The following LTBP1 variants were observed in gnomAD, a reference collection of about 807,000 sequenced individuals.
The protein encoded by LTBP1 is latent transforming growth factor beta binding protein 1.
A neutral mutation model predicts 207.6 loss-of-function variants in LTBP1; 129 were observed. The observed-to-expected ratio is 0.62, with a 90% CI of 0.54 to 0.72. The LOEUF (loss-of-function observed/expected upper bound fraction) is 0.72. LTBP1 is among the 30% of genes least tolerant of loss of function. The pLI, the probability that LTBP1 is intolerant of heterozygous loss-of-function variation, is 0.00. For synonymous variants in LTBP1, 963 were observed against 833.7 expected, an observed-to-expected ratio of 1.16 and a Z score of -2.67; for missense variants, 2,281 against 2,217.2, an observed-to-expected ratio of 1.03 and a Z score of -0.58.
At chr2:33,262,300 T>A (rs1171784675) in intron 13 of LTBP1, among the ~76,000 whole-genome samples, 2 of 152,348 alleles carry the variant, frequency 1.3e-5, no homozygotes, top group Non-Finnish European at 2.9e-5. Flanking sequence ...CTATATCCAT[T>A]ATTTAATCTG....
intron 3 of LTBP1, among the ~76,000 whole-genome samples, chr2:33,095,957 A>G (rs527448385): frequency 9.2e-5 from 14 of 152,240 alleles, no homozygotes; most frequent in African/African-American, 3.1e-4. Context: ...GTAACAAGAA[A>G]AATGTTTAAA....
intron 4 of LTBP1, among the ~76,000 whole-genome samples, chr2:33,118,845 G>T (rs995370056): frequency 6.6e-6 from 1 of 152,152 alleles, no homozygotes; most frequent in African/African-American, 2.4e-5. Flanking sequence ...GAAGCCGTAC[G>T]AACATGATTA....
chr2:33,110,610 G>A lies in LTBP1; in HGVS notation c.892G>A (p.Val298Met), dbSNP rs751450365. The A allele has an allele frequency of 6.2e-6, 10 of 1,613,454 alleles. No homozygotes were observed. The South Asian group carries it at 6.6e-5, about 11-fold the overall frequency. ...GACTCCTCTTTCTTCCCAGAGTGTGGTGATTCACCATGGCCAGACCCAGGA... is the reference window on the plus strand; with the variant it reads ...GACTCCTCTTTCTTCCCAGAGTGTGATGATTCACCATGGCCAGACCCAGGA... ...QVTPLSSQSV[V>M]IHHGQTQEYV... is the part of the protein sequence containing the mutation. Residue 298 changes from valine to methionine, a missense_variant, in exon 4 of 34, where the codon GTG (valine) becomes ATG (methionine). Transcript: ENST00000404816.
At chr2:33,271,012 C>T (rs1046719620) in intron 15 of LTBP1, among the ~76,000 whole-genome samples, 5 of 152,212 alleles carry the variant, frequency 3.3e-5, no homozygotes, top group Admixed American at 2.0e-4. Context: ...TCTCCTACCT[C>T]AGAGCTGACT....
intron 18 of LTBP1, among the ~76,000 whole-genome samples, chr2:33,279,417 G>A (rs999033467): frequency 6.6e-6 from 1 of 152,000 alleles, no homozygotes; most frequent in Non-Finnish European, 1.5e-5. Context: ...TGAAAAGTAA[G>A]GTGTATTTTT....
At chr2:32,977,698 C>T (rs1464425750) in intron 2 of LTBP1, among the ~76,000 whole-genome samples, 2 of 152,164 alleles carry the variant, frequency 1.3e-5, no homozygotes, top group African/African-American at 4.8e-5. Flanking sequence ...GTGTGAATCC[C>T]CTGAGGGGCT....
chr2:33,345,950 C>T (rs2094695773), intron 25 of LTBP1, among the ~76,000 whole-genome samples: 1 of 152,192 alleles, frequency 6.6e-6, no homozygotes, highest in Non-Finnish European at 1.5e-5. Context: ...GTAAAAAGCA[C>T]TATGGGACAA....
At chr2:32,991,877 A>G (rs746374122) in intron 2 of LTBP1, among the ~76,000 whole-genome samples, 5 of 152,194 alleles carry the variant, frequency 3.3e-5, no homozygotes, top group Admixed American at 1.3e-4. Context: ...TTTCAGAGAC[A>G]ACTTTAATGA....
At chr2:33,153,120 G>C (rs2083673493) in intron 5 of LTBP1, among the ~76,000 whole-genome samples, 1 of 152,164 alleles carries the variant, frequency 6.6e-6, no homozygotes, top group African/African-American at 2.4e-5. Context: ...AATATTTACT[G>C]TGCTTTCCAA....
At chr2:33,013,937 C>G (rs913975631) in intron 2 of LTBP1, among the ~76,000 whole-genome samples, 4 of 152,102 alleles carry the variant, frequency 2.6e-5, no homozygotes, top group Non-Finnish European at 4.4e-5. Flanking sequence ...CTTGTAGTCC[C>G]TTTAATTTTT....
At chr2:33,099,464 A>AT (rs34951035) in intron 3 of LTBP1, among the ~76,000 whole-genome samples, 11,212 of 152,172 alleles carry the variant, frequency 0.074, 513 homozygotes, top group South Asian at 0.19. Context: ...CGTATGAAAT[A>AT]TTTTTTTGGT....
intron 23 of LTBP1, among the ~76,000 whole-genome samples, chr2:33,312,377 A>G (rs1198258113): frequency 6.6e-6 from 1 of 152,218 alleles, no homozygotes; most frequent in Non-Finnish European, 1.5e-5. Context: ...TTTCCCATAC[A>G]AAACTAATGA....
chr2:33,254,541 TA>T (rs1323455147), intron 11 of LTBP1, among the ~76,000 whole-genome samples: 1 of 132,976 alleles, frequency 7.5e-6, no homozygotes, highest in Non-Finnish European at 1.6e-5. Context: ...GTTAATTCTT[TA>T]AACTTGGTTT....
At chr2:33,187,170 G>C (rs544334303) in intron 6 of LTBP1, 90 bp downstream of exon 6, 26 of 1,110,150 alleles carry the variant, frequency 2.3e-5, no homozygotes, top group Non-Finnish European at 3.4e-5. Flanking sequence ...GGCCAGGGCT[G>C]GTATTGAAAC....
chr2:33,125,254 A>G (rs1296703227), intron 4 of LTBP1, among the ~76,000 whole-genome samples: 1 of 152,226 alleles, frequency 6.6e-6, no homozygotes, highest in Non-Finnish European at 1.5e-5. Context: ...TCCCTAGCAG[A>G]ATGACCGTGG....
intron 3 of LTBP1, among the ~76,000 whole-genome samples, chr2:33,073,286 GTT>G (rs775513441): frequency 5.3e-5 from 1 of 18,750 alleles, no homozygotes; most frequent in Non-Finnish European, 2.8e-4. Flanking sequence ...TGTTTTTTTT[GTT>G]TTTGTTTTTT....
At chr2:32,966,403 C>G (rs1680013205) in intron 2 of LTBP1, among the ~76,000 whole-genome samples, 2 of 152,042 alleles carry the variant, frequency 1.3e-5, no homozygotes, top group Non-Finnish European at 2.9e-5. Flanking sequence ...ATTTTATTAG[C>G]TAGGACTTCC....
chr2:33,001,822 A>G (rs1286728132), intron 2 of LTBP1, among the ~76,000 whole-genome samples: 1 of 135,284 alleles, frequency 7.4e-6, no homozygotes, highest in African/African-American at 2.6e-5. Context: ...GTCATTGCTG[A>G]ACATTGGTTA....
In LTBP1 at chr2:32,964,353, A is replaced by G. The variant is rs182011167; in HGVS notation, c.565+15408A>G. Among the ~76,000 whole-genome samples, 5 of 152,320 alleles carry G rather than the reference A, an allele frequency of 3.3e-5. No homozygotes were observed. In the East Asian group the frequency reaches 9.6e-4, roughly 29 times the overall value. On this transcript the variant is annotated intron_variant, in intron 2 of 33. Coordinates refer to ENST00000404816, the MANE Select transcript of LTBP1 (RefSeq NM_206943.4). ...TGAAATAGGGACTGTTTTCCCCATT[A>G]TGCATCTTTTCTTTTCTTTCCACAA...
Sources: allele counts gnomAD v4.1 joint callset (sites outside exome capture counted in the v4.1 genomes callset), GRCh38; gene constraint gnomAD v4.1.1; transcripts MANE v1.5; gene names NCBI Gene and HGNC (gene_info 2026-07-23, HGNC 2026-07-21).